The following DPP10 variants were observed in gnomAD, a reference collection of about 807,000 sequenced individuals.
DPP10 encodes dipeptidyl peptidase like 10, also known as inactive dipeptidyl peptidase 10.
Under a neutral mutation model 120.9 loss-of-function variants are expected in DPP10, and 33 were observed. The observed-to-expected ratio is 0.27, with a 90% CI of 0.21 to 0.37. The LOEUF is 0.37. Among genes scored for constraint, DPP10 ranks in the 10% least tolerant of loss-of-function variants. DPP10 has a pLI of 1.00. For missense variants in DPP10, 816 were observed against 942.8 expected, an observed-to-expected ratio of 0.87 and a Z score of 1.76; for synonymous variants, 337 against 326.1, an observed-to-expected ratio of 1.03 and a Z score of -0.36.
intron 1 of DPP10, among the ~76,000 whole-genome samples, chr2:114,930,258 T>C (rs925104363): frequency 1.3e-5 from 2 of 152,220 alleles, no homozygotes; most frequent in African/African-American, 4.8e-5. Context: ...CTCTACCGCA[T>C]AGCCAGGCTG....
intron 5 of DPP10, among the ~76,000 whole-genome samples, chr2:115,670,167 C>A (rs182133690): frequency 1.2e-4 from 18 of 152,082 alleles, no homozygotes; most frequent in Admixed American, 5.9e-4. Flanking sequence ...GGCACTAATC[C>A]CATCATAAGG....
intron 3 of DPP10, among the ~76,000 whole-genome samples, chr2:115,449,029 AC>A (rs1240355890): frequency 6.6e-6 from 1 of 152,154 alleles, no homozygotes; most frequent in East Asian, 1.9e-4. Flanking sequence ...GAATAAAAAA[AC>A]TTCATTAAAT....
chr2:115,494,105 C>A (rs544750935), intron 3 of DPP10, among the ~76,000 whole-genome samples: 1 of 151,948 alleles, frequency 6.6e-6, no homozygotes, highest in African/African-American at 2.4e-5. Context: ...TGCACCACCA[C>A]GGCTAATTTT....
chr2:114,753,635 C>T (rs759130230), intron 1 of DPP10, among the ~76,000 whole-genome samples: 12 of 152,002 alleles, frequency 7.9e-5, no homozygotes, highest in Admixed American at 1.3e-4. Flanking sequence ...ATGGGCTGGG[C>T]GCGGTGGCTC....
rs1341929903 is a variant in DPP10, at chr2:115,791,359, A to G, written c.1700+3A>G. 1 of 1,590,950 alleles carries G rather than the reference A, an allele frequency of 6.3e-7. No individual in the cohort carries two copies. Among genetic ancestry groups the G allele is most frequent in the South Asian group, 1.2e-5 (1 of 85,634 alleles). On this transcript the variant is annotated splice_donor_region_variant and intron_variant, in intron 19 of 25. Transcript: ENST00000410059. ...CAGTATGCTCTTCTGTTAATAATGT[A>G]AGTATTTTATTTGTTTTTAAAATAA...
chr2:115,107,729 G>T (rs1318546648), intron 1 of DPP10, among the ~76,000 whole-genome samples: 3 of 151,762 alleles, frequency 2.0e-5, no homozygotes, highest in Non-Finnish European at 4.4e-5. Flanking sequence ...AATGACTAAG[G>T]CAATTTTATA....
chr2:115,224,143 T>C (rs939953832), intron 1 of DPP10, among the ~76,000 whole-genome samples: 1 of 152,056 alleles, frequency 6.6e-6, no homozygotes, highest in African/African-American at 2.4e-5. Flanking sequence ...AGTGTAAAGT[T>C]ACAACTGTGA....
chr2:115,543,313 A>G (rs2079289731), intron 5 of DPP10, among the ~76,000 whole-genome samples: 1 of 152,048 alleles, frequency 6.6e-6, no homozygotes, highest in African/African-American at 2.4e-5. Flanking sequence ...TAAAAAGGGT[A>G]TAAGTCATTT....
At chr2:115,748,503 A>G (rs1481741930) in intron 10 of DPP10, among the ~76,000 whole-genome samples, 4 of 152,136 alleles carry the variant, frequency 2.6e-5, no homozygotes, top group Non-Finnish European at 5.9e-5. Context: ...TAATAGTAAG[A>G]TAAATATAGA....
chr2:114,550,352 T>C (rs1416144222), intron 1 of DPP10, among the ~76,000 whole-genome samples: 1 of 152,222 alleles, frequency 6.6e-6, no homozygotes, highest in East Asian at 1.9e-4. Flanking sequence ...TTACAAATGT[T>C]AGATCATTTA....
intron 1 of DPP10, among the ~76,000 whole-genome samples, chr2:115,250,450 G>A (rs758356332): frequency 2.0e-5 from 3 of 152,130 alleles, no homozygotes; most frequent in Non-Finnish European, 4.4e-5. Flanking sequence ...TGAATGGAAG[G>A]GTCTGGAGAA....
chr2:115,186,494 C>G, intron 1 of DPP10, among the ~76,000 whole-genome samples: 1 of 152,020 alleles, frequency 6.6e-6, no homozygotes, highest in Non-Finnish European at 1.5e-5. Context: ...CTTAGCTTAT[C>G]CTTGGTGGTA....
chr2:114,542,049 C>CT (rs34131903), intron 1 of DPP10, among the ~76,000 whole-genome samples: 24 of 141,560 alleles, frequency 1.7e-4, no homozygotes, highest in African/African-American at 4.2e-4. Flanking sequence ...TCTTTCTTTC[C>CT]TTTTTTTTTT....
chr2:115,069,528 C>G (rs1707199686), intron 1 of DPP10, among the ~76,000 whole-genome samples: 1 of 152,072 alleles, frequency 6.6e-6, no homozygotes, highest in Non-Finnish European at 1.5e-5. Flanking sequence ...GGATATCCTC[C>G]AGACTGTTCA....
intron 1 of DPP10, among the ~76,000 whole-genome samples, chr2:115,250,592 GTTACATTATTTATTC>G (rs2058712951): frequency 6.6e-6 from 1 of 152,046 alleles, no homozygotes; most frequent in African/African-American, 2.4e-5. Context: ...TCATAGTACG[GTTACATTATTTATTC>G]TTTTTAGTTT....
At chr2:115,003,163 T>C (rs1361382674) in intron 1 of DPP10, among the ~76,000 whole-genome samples, 5 of 129,554 alleles carry the variant, frequency 3.9e-5, no homozygotes, top group Admixed American at 3.5e-4. Context: ...CACATACATA[T>C]ACTATGTAGC....
At chr2:115,633,586 A>G (rs191651909) in intron 5 of DPP10, among the ~76,000 whole-genome samples, 1 of 152,234 alleles carries the variant, frequency 6.6e-6, no homozygotes, top group South Asian at 2.1e-4. Flanking sequence ...ATAAAAAAAA[A>G]GAAAAGAATG....
intron 1 of DPP10, among the ~76,000 whole-genome samples, chr2:114,555,364 T>G (rs769512293): frequency 1.3e-5 from 2 of 152,122 alleles, no homozygotes; most frequent in Non-Finnish European, 2.9e-5. Flanking sequence ...TGGCAAGATC[T>G]CCACCTTCAA....
intron 1 of DPP10, among the ~76,000 whole-genome samples, chr2:114,639,104 A>G (rs1321614777): frequency 6.6e-6 from 1 of 151,924 alleles, no homozygotes; most frequent in Admixed American, 6.5e-5. Context: ...TAATAAAGAC[A>G]TACATAAGAC....
Sources: allele counts gnomAD v4.1 joint callset (sites outside exome capture counted in the v4.1 genomes callset), GRCh38; gene constraint gnomAD v4.1.1; transcripts MANE v1.5; gene names NCBI Gene and HGNC (gene_info 2026-07-23, HGNC 2026-07-21).